SESTD1: variants seen among roughly 807,000 people sequenced by gnomAD.
SESTD1 encodes SEC14 and spectrin domain containing 1.
SESTD1 carries 43 observed loss-of-function variants against 101.7 expected under a neutral mutation model. The observed-to-expected ratio is 0.42, with a 90% CI of 0.33 to 0.55. SESTD1 has a LOEUF of 0.55. SESTD1 is among the 20% of genes least tolerant of loss of function. SESTD1 has a pLI of 0.07. For missense variants in SESTD1, 647 were observed against 815.1 expected (o/e 0.79, Z 2.51); for synonymous variants, 283 against 286.8 (o/e 0.99, Z 0.13).
intron 5 of SESTD1, among the ~76,000 whole-genome samples, chr2:179,161,554 A>AG (rs1384828100): frequency 6.6e-6 from 1 of 151,928 alleles, no homozygotes; most frequent in Non-Finnish European, 1.5e-5. Flanking sequence ...CCAGCTACTC[A>AG]GGAGGCTGAG....
At chr2:179,138,640 T>C (rs545017448) in intron 9 of SESTD1, among the ~76,000 whole-genome samples, 3 of 152,116 alleles carry the variant, frequency 2.0e-5, no homozygotes, top group South Asian at 4.2e-4. Flanking sequence ...CACAAAGGCA[T>C]TGCAACTTCA....
rs1253978746 is a variant in SESTD1 at position 179,105,314 on chromosome 2, G to T, written c.*4585C>A. ...TCTTTTACTTGTGTCTATTAACAGGGTTATGTCACACCTTGTCAACCTCAA... is the reference window on the plus strand; with the variant it reads ...TCTTTTACTTGTGTCTATTAACAGGTTTATGTCACACCTTGTCAACCTCAA... On this transcript the variant is annotated 3_prime_UTR_variant, in exon 18 of 18. Coordinates refer to ENST00000428443, the MANE Select transcript of SESTD1 (RefSeq NM_178123.5). 6.6e-6 allele frequency: 1 copy of T among 151,764 alleles called. No individual in the cohort carries two copies. Among genetic ancestry groups the T allele is most frequent in the African/African-American group, 2.4e-5 (1 of 41,284 alleles). The allele number at this position is 151,764 out of a possible 1,614,324, so 9.4% of individuals were successfully genotyped here.
intron 1 of SESTD1, among the ~76,000 whole-genome samples, chr2:179,201,933 A>AATAATAATAATG (rs2046522958): frequency 7.9e-6 from 1 of 125,798 alleles, no homozygotes; most frequent in African/African-American, 3.2e-5. Context: ...TAATAATAAT[A>AATAATAATAATG]ATAATAATAA....
At chr2:179,251,150 A>T (rs2047310854) in intron 1 of SESTD1, among the ~76,000 whole-genome samples, 1 of 152,162 alleles carries the variant, frequency 6.6e-6, no homozygotes, top group South Asian at 2.1e-4. Flanking sequence ...ATGCTGAATT[A>T]AAAAAACCAA....
Position 179,107,287 on chromosome 2 carries a change from TGAG to T in SESTD1, c.*2609_*2611del, listed in dbSNP as rs1293807336. ...ATGAAAGCAGCAGCAAATTTACAGA[TGAG>T]GAGCAATGATATTCATTATGTTAAA... is the stretch of plus-strand genomic sequence containing the variant. On this transcript the variant is annotated 3_prime_UTR_variant, in exon 18 of 18. Transcript: ENST00000428443. 2 of 152,148 alleles carry T rather than the reference TGAG, an allele frequency of 1.3e-5. No homozygotes were observed. Among genetic ancestry groups the T allele is most frequent in the African/African-American group, 4.8e-5 (2 of 41,440 alleles). The allele number at this position is 152,148 out of a possible 1,614,324, so 9.4% of individuals were successfully genotyped here.
chr2:179,146,904 G>GGTGTGT (rs71023470), intron 7 of SESTD1, among the ~76,000 whole-genome samples: 110 of 145,522 alleles, frequency 7.6e-4, no homozygotes, highest in East Asian at 5.1e-3. Context: ...ATATTCCAGG[G>GGTGTGT]GTGTGTGTGT....
chr2:179,179,669 C>T (rs1192833703), intron 3 of SESTD1, among the ~76,000 whole-genome samples: 1 of 152,172 alleles, frequency 6.6e-6, no homozygotes, highest in African/African-American at 2.4e-5. Flanking sequence ...GCTTCTAGCA[C>T]CATGCTTTAA....
At chr2:179,177,889 G>A (rs998814200) in intron 3 of SESTD1, among the ~76,000 whole-genome samples, 4 of 152,180 alleles carry the variant, frequency 2.6e-5, no homozygotes, top group Non-Finnish European at 5.9e-5. Flanking sequence ...AGTACTGACA[G>A]TTGCTAAAAC....
intron 12 of SESTD1, among the ~76,000 whole-genome samples, chr2:179,122,517 C>G (rs950643788): frequency 1.1e-4 from 17 of 151,964 alleles, no homozygotes; most frequent in Non-Finnish European, 7.4e-5. Context: ...GACTGTGGCT[C>G]AAGAAAACTA....
intron 10 of SESTD1, among the ~76,000 whole-genome samples, chr2:179,129,569 A>G (rs2044961247): frequency 6.6e-6 from 1 of 152,198 alleles, no homozygotes; most frequent in Admixed American, 6.5e-5. Context: ...AATATATGAC[A>G]TAAAATTTAA....
At chr2:179,118,379 TA>T (rs2044679411) in intron 13 of SESTD1, among the ~76,000 whole-genome samples, 1 of 152,166 alleles carries the variant, frequency 6.6e-6, no homozygotes, top group Non-Finnish European at 1.5e-5. Flanking sequence ...TAACCTAACT[TA>T]ACTCTGGTCC....
chr2:179,135,714 C>T (rs184216707), intron 9 of SESTD1, among the ~76,000 whole-genome samples: 24 of 152,266 alleles, frequency 1.6e-4, no homozygotes, highest in African/African-American at 5.3e-4. Context: ...GACTGCACCA[C>T]TGCACTCCAG....
chr2:179,196,921 G>T (rs1006696682), intron 1 of SESTD1, among the ~76,000 whole-genome samples: 2 of 152,208 alleles, frequency 1.3e-5, no homozygotes, highest in Admixed American at 1.3e-4. Flanking sequence ...CCAAAGGAAC[G>T]CAGTTCCTCA....
chr2:179,252,505 T>C (rs563704341), intron 1 of SESTD1, among the ~76,000 whole-genome samples: 2 of 152,352 alleles, frequency 1.3e-5, no homozygotes, highest in Admixed American at 1.3e-4. Context: ...TTCTCTATAG[T>C]ATCCTTCCTA....
intron 10 of SESTD1, among the ~76,000 whole-genome samples, chr2:179,126,813 G>A (rs1280497459): frequency 2.0e-5 from 3 of 151,610 alleles, no homozygotes; most frequent in South Asian, 2.1e-4. Context: ...TGTTCCTCTC[G>A]CAGTCCTCCC....
intron 1 of SESTD1, among the ~76,000 whole-genome samples, chr2:179,213,295 A>G (rs2046675283): frequency 7.4e-6 from 1 of 135,134 alleles, no homozygotes; most frequent in African/African-American, 2.9e-5. Flanking sequence ...AGTATAGAGA[A>G]GACCTTAAGT....
At chr2:179,220,745 A>G (rs1031751090) in intron 1 of SESTD1, among the ~76,000 whole-genome samples, 3 of 152,026 alleles carry the variant, frequency 2.0e-5, no homozygotes, top group African/African-American at 7.2e-5. Flanking sequence ...CTCTTCACCT[A>G]CTGTAGGTGT....
chr2:179,114,150 C>CTAT (rs1314079907), intron 16 of SESTD1, among the ~76,000 whole-genome samples: 2 of 151,694 alleles, frequency 1.3e-5, no homozygotes, highest in African/African-American at 4.8e-5. Context: ...ACAAGTTACA[C>CTAT]TATTTTGTAT....
At chr2:179,140,412 G>A (rs1386184584) in intron 9 of SESTD1, among the ~76,000 whole-genome samples, 1 of 152,122 alleles carries the variant, frequency 6.6e-6, no homozygotes, top group Non-Finnish European at 1.5e-5. Flanking sequence ...ACAGAGAGAA[G>A]ACAATGTGAA....
Sources: allele counts gnomAD v4.1 joint callset (sites outside exome capture counted in the v4.1 genomes callset), GRCh38; gene constraint gnomAD v4.1.1; transcripts MANE v1.5; gene names NCBI Gene and HGNC (gene_info 2026-07-23, HGNC 2026-07-21).